CFAP97: variants seen among roughly 807,000 people sequenced by gnomAD.
The protein encoded by CFAP97 is cilia- and flagella-associated protein 97.
A neutral mutation model predicts 43.1 loss-of-function variants in CFAP97; 36 were observed. The observed-to-expected ratio is 0.84, with a 90% CI of 0.64 to 1.10. CFAP97 has a LOEUF of 1.10. Ranked by LOEUF, CFAP97 falls within the 50% of genes least tolerant of loss-of-function variation. The pLI is 0.00. For synonymous variants in CFAP97, 228 were observed against 225.7 expected, an observed-to-expected ratio of 1.01 and a Z score of -0.09; for missense variants, 657 against 620.3, an observed-to-expected ratio of 1.06 and a Z score of -0.63.
chr4:185,203,801 C>T (rs1311671359), intron 1 of CFAP97, 97 bp downstream of exon 1: 2 of 117,402 alleles, frequency 1.7e-5, no homozygotes, highest in Non-Finnish European at 4.1e-5. Flanking sequence ...TACTCGCCGC[C>T]GCCTGGGCTC....
At chr4:185,182,022 AT>A in intron 2 of CFAP97, among the ~76,000 whole-genome samples, 1 of 152,164 alleles carries the variant, frequency 6.6e-6, no homozygotes, top group South Asian at 2.1e-4. Flanking sequence ...CATTTCTTGT[AT>A]TTATTTTTCT....
chr4:185,179,524 C>G (rs896422557), intron 2 of CFAP97, among the ~76,000 whole-genome samples: 4 of 152,094 alleles, frequency 2.6e-5, no homozygotes, highest in African/African-American at 9.7e-5. Context: ...TGCTTAGAAT[C>G]CTGAGCCACC....
intron 1 of CFAP97, among the ~76,000 whole-genome samples, chr4:185,193,368 C>T (rs189087061): frequency 6.6e-6 from 1 of 152,070 alleles, no homozygotes; most frequent in Non-Finnish European, 1.5e-5. Flanking sequence ...CAGCAAAAGG[C>T]CAGGCACGGT....
intron 1 of CFAP97, among the ~76,000 whole-genome samples, chr4:185,194,314 C>T (rs2111403626): frequency 6.6e-6 from 1 of 152,310 alleles, no homozygotes; most frequent in East Asian, 1.9e-4. Context: ...CATGGCGAAA[C>T]TCCTTCTCTA....
Position 185,175,875 on chromosome 4 carries a change from TTG to T in CFAP97, c.1229_1230del (p.Thr410AsnfsTer3), listed in dbSNP as rs757123354. On this transcript the variant is annotated frameshift_variant, in exon 3 of 5. Coordinates refer to ENST00000458385, the MANE Select transcript of CFAP97 (RefSeq NM_020827.3). LOFTEE classifies it high-confidence loss of function. Reference sequence around the variant, plus strand: ...GGGGGATGATCAGCCGATCTAGGAATTGTACTTTTGCTTCCCGGCTTTTCCGC... The same window carrying T: ...GGGGGATGATCAGCCGATCTAGGAATTACTTTTGCTTCCCGGCTTTTCCGC... ...RQAEKPGSKS[T>X]IPRSADHPPK... is the part of the protein sequence containing the mutation. The T allele has an allele frequency of 6.2e-7, 1 of 1,613,938 alleles. No individual in the cohort carries two copies. Among genetic ancestry groups the T allele is most frequent in the Admixed American group, 1.7e-5 (1 of 60,014 alleles).
At chr4:185,175,006 T>A (rs1735458490) in intron 3 of CFAP97, among the ~76,000 whole-genome samples, 1 of 152,240 alleles carries the variant, frequency 6.6e-6, no homozygotes, top group Non-Finnish European at 1.5e-5. Context: ...TTTCATACAT[T>A]TAAGTAGCAG....
At chr4:185,172,564 G>A (rs1249703067) in intron 3 of CFAP97, among the ~76,000 whole-genome samples, 1 of 152,162 alleles carries the variant, frequency 6.6e-6, no homozygotes, top group Non-Finnish European at 1.5e-5. Flanking sequence ...TGTCACTGGA[G>A]AGAGAGCAAA....
At chr4:185,172,320 A>G (rs1329839977) in intron 3 of CFAP97, among the ~76,000 whole-genome samples, 1 of 152,244 alleles carries the variant, frequency 6.6e-6, no homozygotes, top group Non-Finnish European at 1.5e-5. Flanking sequence ...GAAACAAATA[A>G]TGATGATCTT....
At chr4:185,199,337 CT>C (rs1294269435) in intron 1 of CFAP97, among the ~76,000 whole-genome samples, 2 of 151,834 alleles carry the variant, frequency 1.3e-5, no homozygotes, top group African/African-American at 4.8e-5. Flanking sequence ...GGCCACTGCA[CT>C]ACAGCCTGGG....
chr4:185,163,820 A>G (rs1237594760), intron 4 of CFAP97, among the ~76,000 whole-genome samples: 1 of 152,124 alleles, frequency 6.6e-6, no homozygotes, highest in East Asian at 1.9e-4. Context: ...TGATTGTTTT[A>G]TCTCCTGGTT....
chr4:185,206,429 G>C (rs886356516), upstream of CFAP97, among the ~76,000 whole-genome samples: 1 of 152,018 alleles, frequency 6.6e-6, no homozygotes, highest in Non-Finnish European at 1.5e-5. Flanking sequence ...CCAGCACTTT[G>C]GGAGGCCAAG....
intron 3 of CFAP97, among the ~76,000 whole-genome samples, chr4:185,170,771 G>A (rs1261462305): frequency 6.6e-6 from 1 of 150,952 alleles, no homozygotes; most frequent in Non-Finnish European, 1.5e-5. Context: ...GATCACCTGA[G>A]GTCAGGAGTT....
At chr4:185,176,266 C>A (rs1490303752) in intron 2 of CFAP97, among the ~76,000 whole-genome samples, 2 of 152,042 alleles carry the variant, frequency 1.3e-5, no homozygotes, top group Non-Finnish European at 2.9e-5. Flanking sequence ...GCATCCACCA[C>A]CATGCCTGGC....
At chr4:185,198,453 A>AAAAAGAAGG (rs1553975360) in intron 1 of CFAP97, among the ~76,000 whole-genome samples, 1,880 of 147,424 alleles carry the variant, frequency 0.013, 43 homozygotes, top group African/African-American at 0.04. Flanking sequence ...AAAAAAAAAA[A>AAAAAGAAGG]AAAGAAAGAA....
At chr4:185,166,293 C>T (rs976053173) in intron 3 of CFAP97, among the ~76,000 whole-genome samples, 1 of 152,180 alleles carries the variant, frequency 6.6e-6, no homozygotes, top group Admixed American at 6.5e-5. Flanking sequence ...CATATCTTCT[C>T]TACCTGCAGT....
rs112342980 is a variant in CFAP97 at position 185,171,681 on chromosome 4, T to C, written c.1320+4105A>G. Among the ~76,000 whole-genome samples the C allele has an allele frequency of 5.4e-3, 825 of 152,312 alleles. 8 individuals are homozygous for C. The highest frequency in any genetic ancestry group is 0.019 in the African/African-American group (796 of 41,580). ...TTCTTATGCTCATTCGGAAAAAAGTTCAAGTGAAAAGAAAGAGATATGGTT... is the reference window on the plus strand; with the variant it reads ...TTCTTATGCTCATTCGGAAAAAAGTCCAAGTGAAAAGAAAGAGATATGGTT... On this transcript the variant is annotated intron_variant, in intron 3 of 4. Coordinates refer to ENST00000458385, the MANE Select transcript of CFAP97 (RefSeq NM_020827.3).
upstream of CFAP97, chr4:185,209,627 C>G (rs1461919352): frequency 6.1e-5 from 36 of 591,448 alleles, no homozygotes; most frequent in Non-Finnish European, 7.4e-5. The surrounding 1 kb of genome is among the most constrained non-coding windows in gnomAD (Gnocchi z 5.2). Context: ...TCCCTGGCTG[C>G]GCCCGGCCCG....
chr4:185,182,132 C>A (rs1339721122), intron 2 of CFAP97: 1 of 151,776 alleles, frequency 6.6e-6, no homozygotes, highest in African/African-American at 2.4e-5. Context: ...GTTTCAGATT[C>A]TTTTTAAAGT....
In CFAP97 at chr4:185,209,339, T is replaced by TA. The variant is rs1223903829; in HGVS notation, c.-89dup. The TA allele has an allele frequency of 6.6e-6, 1 of 152,388 alleles. No individual in the cohort carries two copies. Among genetic ancestry groups the TA allele is most frequent in the African/African-American group, 2.4e-5 (1 of 41,474 alleles). The allele number at this position is 152,388 out of a possible 1,614,324, so 9.4% of individuals were successfully genotyped here. A position where few individuals can be genotyped will look rare whatever the true frequency, so the allele number is the denominator to read the frequency against. Reference sequence around the variant, plus strand: ...TACGGGATCACCTGAGCTCAGGAATTACCAGCGCCGCTGACACCTGCAGCA... The same window carrying TA: ...TACGGGATCACCTGAGCTCAGGAATTAACCAGCGCCGCTGACACCTGCAGCA... On this transcript the variant is annotated 5_prime_UTR_variant, in exon 1 of 3. Transcript: ENST00000503223. This position sits in a 1 kb window ranked among gnomAD's most constrained non-coding sequence, Gnocchi z 5.2.
Sources: allele counts gnomAD v4.1 joint callset (sites outside exome capture counted in the v4.1 genomes callset), GRCh38; gene constraint gnomAD v4.1.1; non-coding constraint Gnocchi (gnomAD v3.1); transcripts MANE v1.5; gene names NCBI Gene and HGNC (gene_info 2026-07-23, HGNC 2026-07-21).